IQCJ: variants seen among roughly 807,000 people sequenced by gnomAD.
IQCJ encodes the protein IQ domain-containing protein J.
IQCJ carries 9 observed loss-of-function variants against 11.0 expected under a neutral mutation model. The ratio of observed to expected loss-of-function variants is 0.82; its 90% CI spans 0.49 to 1.43. The LOEUF is 1.43. Among genes scored for constraint, IQCJ ranks in the 40% most tolerant of loss-of-function variants. IQCJ has a pLI of 0.00. For synonymous variants in IQCJ, 55 were observed against 51.3 expected (o/e 1.07, Z -0.31); for missense variants, 146 against 133.2 (o/e 1.10, Z -0.47).
At chr3:159,088,705 G>T (rs1431348333) in intron 1 of IQCJ, among the ~76,000 whole-genome samples, 3 of 151,964 alleles carry the variant, frequency 2.0e-5, no homozygotes, top group Non-Finnish European at 4.4e-5. Context: ...ATCTTTGTTG[G>T]TTTCAAGTCT....
At chr3:159,209,646 G>A (rs1038315755) in intron 1 of IQCJ, among the ~76,000 whole-genome samples, 2 of 152,090 alleles carry the variant, frequency 1.3e-5, no homozygotes, top group Admixed American at 6.5e-5. Flanking sequence ...GGGCGGGTAC[G>A]GGGGGTTGTT....
At chr3:159,219,342 A>G (rs1413675110) in intron 1 of IQCJ, among the ~76,000 whole-genome samples, 1 of 152,146 alleles carries the variant, frequency 6.6e-6, no homozygotes, top group Non-Finnish European at 1.5e-5. Context: ...GAATTATGGC[A>G]TAGGAAGGAT....
intron 1 of IQCJ, among the ~76,000 whole-genome samples, chr3:159,237,966 A>G (rs371728269): frequency 2.6e-5 from 4 of 152,222 alleles, no homozygotes; most frequent in Non-Finnish European, 4.4e-5. Flanking sequence ...ATGTAAAAGG[A>G]CGACTGAGAG....
At chr3:159,206,299 T>C (rs932859682) in intron 1 of IQCJ, among the ~76,000 whole-genome samples, 4 of 152,228 alleles carry the variant, frequency 2.6e-5, no homozygotes, top group Non-Finnish European at 4.4e-5. Context: ...TCTCCACCAA[T>C]AGAATCACAA....
At chr3:159,112,968 A>T (rs1718731152) in intron 1 of IQCJ, among the ~76,000 whole-genome samples, 1 of 152,172 alleles carries the variant, frequency 6.6e-6, no homozygotes, top group Non-Finnish European at 1.5e-5. Flanking sequence ...TTCCCAAAGA[A>T]ACAGTACATT....
intron 1 of IQCJ, among the ~76,000 whole-genome samples, chr3:159,242,354 C>T (rs1208021858): frequency 1.3e-5 from 2 of 152,208 alleles, no homozygotes; most frequent in South Asian, 2.1e-4. Context: ...TCTTGCATGA[C>T]AAGCATGTTC....
downstream of IQCJ, chr3:159,265,286 G>T (rs752786186): frequency 6.2e-7 from 1 of 1,613,860 alleles, no homozygotes; most frequent in Non-Finnish European, 8.5e-7. Context: ...GGGACAAGTT[G>T]CCTGGTGGAA....
intron 1 of IQCJ, among the ~76,000 whole-genome samples, chr3:159,125,085 T>TTGATAG (rs1488628031): frequency 1.3e-5 from 2 of 152,174 alleles, no homozygotes; most frequent in African/African-American, 4.8e-5. Flanking sequence ...AAATAGTAAT[T>TTGATAG]TGATAGTGTA....
At chr3:159,250,597 G>A (rs1212750974) in intron 2 of IQCJ, among the ~76,000 whole-genome samples, 2 of 152,286 alleles carry the variant, frequency 1.3e-5, no homozygotes, top group Non-Finnish European at 1.5e-5. Flanking sequence ...CCTCTTCACA[G>A]GGCAGCAGGA....
At chr3:159,183,472 T>A (rs945671023) in intron 1 of IQCJ, among the ~76,000 whole-genome samples, 2 of 152,176 alleles carry the variant, frequency 1.3e-5, no homozygotes, top group African/African-American at 4.8e-5. Flanking sequence ...GCCCAAATTT[T>A]AAATTCCACA....
intron 1 of IQCJ, among the ~76,000 whole-genome samples, chr3:159,177,070 C>A (rs1436333281): frequency 6.6e-6 from 1 of 152,164 alleles, no homozygotes; most frequent in Non-Finnish European, 1.5e-5. Flanking sequence ...CTGCTAGTAA[C>A]ACTTTTATCA....
intron 3 of IQCJ, among the ~76,000 whole-genome samples, chr3:159,256,630 G>A (rs1727915588): frequency 6.6e-6 from 1 of 152,168 alleles, no homozygotes; most frequent in Non-Finnish European, 1.5e-5. Flanking sequence ...TCTGTAAAAC[G>A]AGAATGCTAA....
intron 1 of IQCJ, among the ~76,000 whole-genome samples, chr3:159,086,263 T>C (rs139496364): frequency 0.19 from 29,311 of 152,132 alleles, 3,503 homozygotes; most frequent in South Asian, 0.35. Context: ...TCTGTTCTGT[T>C]CCATTGATCT....
At chr3:159,123,384 A>G (rs1445797719) in intron 1 of IQCJ, among the ~76,000 whole-genome samples, 1 of 152,076 alleles carries the variant, frequency 6.6e-6, no homozygotes, top group Non-Finnish European at 1.5e-5. Context: ...CATGACATAC[A>G]TGCTCCTCTT....
At chr3:159,076,201 T>C (rs1485950730) in intron 1 of IQCJ, among the ~76,000 whole-genome samples, 1 of 151,698 alleles carries the variant, frequency 6.6e-6, no homozygotes. Flanking sequence ...CATCCTCACC[T>C]AACTATATCA....
At chr3:159,196,961 T>C (rs1357156962) in intron 1 of IQCJ, among the ~76,000 whole-genome samples, 1 of 152,136 alleles carries the variant, frequency 6.6e-6, no homozygotes, top group Non-Finnish European at 1.5e-5. Context: ...TCTCCAGCCT[T>C]CTGTGTCCCA....
At chr3:159,105,589 G>A (rs1268267654) in intron 1 of IQCJ, among the ~76,000 whole-genome samples, 3 of 152,092 alleles carry the variant, frequency 2.0e-5, no homozygotes, top group Non-Finnish European at 4.4e-5. Flanking sequence ...TGCTGGTAGT[G>A]GATATTTAGA....
chr3:159,248,848 T>C (rs912168720), intron 2 of IQCJ, among the ~76,000 whole-genome samples: 1 of 150,580 alleles, frequency 6.6e-6, no homozygotes, highest in Non-Finnish European at 1.5e-5. Flanking sequence ...GCCATGCTGG[T>C]TTTTCATTAT....
chr3:159,164,147 A>G (rs1207787042), intron 1 of IQCJ, among the ~76,000 whole-genome samples: 1 of 152,186 alleles, frequency 6.6e-6, no homozygotes, highest in Non-Finnish European at 1.5e-5. Context: ...ACTTTATAAA[A>G]CTTCTAAGGG....
Sources: allele counts gnomAD v4.1 joint callset (sites outside exome capture counted in the v4.1 genomes callset), GRCh38; gene constraint gnomAD v4.1.1; transcripts MANE v1.5; gene names NCBI Gene and HGNC (gene_info 2026-07-23, HGNC 2026-07-21).